GRM8: variants seen among roughly 807,000 people sequenced by gnomAD.
GRM8 encodes glutamate metabotropic receptor 8.
A neutral mutation model predicts 87.2 loss-of-function variants in GRM8; 47 were observed. The observed-to-expected ratio is 0.54, with a 90% CI of 0.43 to 0.69. The LOEUF (loss-of-function observed/expected upper bound fraction) is 0.69, where lower values mean the gene tolerates loss of function less well. Among genes scored for constraint, GRM8 ranks in the 30% least tolerant of loss-of-function variants. The pLI, the probability that GRM8 is intolerant of heterozygous loss-of-function variation, is 0.00. For synonymous variants in GRM8, 396 were observed against 404.5 expected, an observed-to-expected ratio of 0.98 and a Z score of 0.25; for missense variants, 1,019 against 1,139.2, an observed-to-expected ratio of 0.89 and a Z score of 1.52.
At chr7:127,173,288 A>G (rs529627621) in intron 2 of GRM8, among the ~76,000 whole-genome samples, 29 of 152,338 alleles carry the variant, frequency 1.9e-4, no homozygotes, top group Admixed American at 1.9e-3. Context: ...GCTATTGGTT[A>G]TTGGGAAGGT....
chr7:126,946,059 C>T (rs2131571947), intron 3 of GRM8, among the ~76,000 whole-genome samples: 1 of 152,332 alleles, frequency 6.6e-6, no homozygotes, highest in Non-Finnish European at 1.5e-5. Context: ...TTGCATTCTT[C>T]CTTCTGATTC....
intron 6 of GRM8, among the ~76,000 whole-genome samples, chr7:126,827,472 A>T (rs1794930677): frequency 6.6e-6 from 1 of 152,132 alleles, no homozygotes; most frequent in African/African-American, 2.4e-5. Context: ...TTCTCTTTGA[A>T]GCAATTGTGA....
chr7:126,516,497 T>C (rs1287540155), intron 9 of GRM8, among the ~76,000 whole-genome samples: 2 of 152,064 alleles, frequency 1.3e-5, no homozygotes, highest in African/African-American at 4.8e-5. Flanking sequence ...TTTAAATGAC[T>C]CAAAATAAAT....
At chr7:126,960,526 A>C (rs542566435) in intron 3 of GRM8, among the ~76,000 whole-genome samples, 102 of 152,338 alleles carry the variant, frequency 6.7e-4, no homozygotes, top group African/African-American at 2.3e-3. Flanking sequence ...GAATTGAATA[A>C]AACTTATTGT....
chr7:127,137,545 AAG>A (rs948439392), intron 2 of GRM8, among the ~76,000 whole-genome samples: 2 of 152,306 alleles, frequency 1.3e-5, no homozygotes, highest in Admixed American at 6.5e-5. Flanking sequence ...ACATAAAATG[AAG>A]AGTGTTCATT....
At chr7:126,930,932 C>T (rs1586500209) in intron 3 of GRM8, among the ~76,000 whole-genome samples, 2 of 152,226 alleles carry the variant, frequency 1.3e-5, no homozygotes, top group Non-Finnish European at 2.9e-5. Context: ...ACTCACATAC[C>T]CCCTCACTTC....
intron 6 of GRM8, among the ~76,000 whole-genome samples, chr7:126,891,947 C>T (rs551440735): frequency 1.3e-5 from 2 of 149,830 alleles, no homozygotes; most frequent in South Asian, 2.1e-4. Flanking sequence ...GTGCCAGATG[C>T]CACCCAAGGC....
At chr7:126,643,265 T>C (rs1802605378) in intron 7 of GRM8, among the ~76,000 whole-genome samples, 1 of 122,660 alleles carries the variant, frequency 8.2e-6, no homozygotes, top group Non-Finnish European at 1.6e-5. Context: ...TACTCCAGCA[T>C]GGGTGACAGA....
At chr7:127,196,890 G>C (rs1342941702) in intron 2 of GRM8, among the ~76,000 whole-genome samples, 3 of 152,126 alleles carry the variant, frequency 2.0e-5, no homozygotes, top group Non-Finnish European at 2.9e-5. Flanking sequence ...GTGATGATAA[G>C]AGGTGGTTTT....
At chr7:126,970,131 T>C (rs1414234811) in intron 3 of GRM8, among the ~76,000 whole-genome samples, 1 of 152,154 alleles carries the variant, frequency 6.6e-6, no homozygotes, top group Non-Finnish European at 1.5e-5. Context: ...AACATACTTC[T>C]TAAGGGCCCT....
intron 6 of GRM8, among the ~76,000 whole-genome samples, chr7:126,865,984 A>G (rs1432757218): frequency 6.6e-6 from 1 of 152,152 alleles, no homozygotes; most frequent in African/African-American, 2.4e-5. Context: ...ACTTTACTTA[A>G]CTGTTTGAGA....
intron 6 of GRM8, among the ~76,000 whole-genome samples, chr7:126,859,438 A>G (rs1275635998): frequency 6.6e-6 from 1 of 152,114 alleles, no homozygotes; most frequent in Non-Finnish European, 1.5e-5. Flanking sequence ...CTTAATGGAG[A>G]GGGAAAGAGA....
intron 8 of GRM8, among the ~76,000 whole-genome samples, chr7:126,565,223 G>A (rs1268238253): frequency 6.6e-6 from 1 of 151,876 alleles, no homozygotes; most frequent in African/African-American, 2.4e-5. Flanking sequence ...GAAAGTAAAA[G>A]GTATCCAAAT....
chr7:126,740,914 T>C (rs1043199470), intron 7 of GRM8, among the ~76,000 whole-genome samples: 2 of 152,026 alleles, frequency 1.3e-5, no homozygotes, highest in African/African-American at 2.4e-5. Flanking sequence ...ATATTAACAA[T>C]AGAATAACCC....
intron 6 of GRM8, among the ~76,000 whole-genome samples, chr7:126,849,294 C>A (rs1796989467): frequency 6.6e-6 from 1 of 151,784 alleles, no homozygotes; most frequent in South Asian, 2.1e-4. Context: ...ATAGGGAATA[C>A]TTTACCCTAG....
At chr7:126,791,934 G>A (rs922577370) in intron 6 of GRM8, among the ~76,000 whole-genome samples, 5 of 152,174 alleles carry the variant, frequency 3.3e-5, no homozygotes, top group East Asian at 1.9e-4. Context: ...CAGTGAGAAC[G>A]TGGGCTTACT....
chr7:127,115,592 T>C (rs1235214753), intron 2 of GRM8, among the ~76,000 whole-genome samples: 1 of 152,172 alleles, frequency 6.6e-6, no homozygotes, highest in Non-Finnish European at 1.5e-5. Flanking sequence ...AGAGAAGCAA[T>C]CTATGAACAT....
At chr7:126,900,360 T>C (rs543669930) in intron 6 of GRM8, among the ~76,000 whole-genome samples, 2 of 152,336 alleles carry the variant, frequency 1.3e-5, no homozygotes, top group South Asian at 2.1e-4. Flanking sequence ...GCATCCTCCA[T>C]GATTTAACGA....
chr7:126,675,013 T>G (rs1277329285), intron 7 of GRM8, among the ~76,000 whole-genome samples: 2 of 152,208 alleles, frequency 1.3e-5, no homozygotes, highest in African/African-American at 4.8e-5. Flanking sequence ...TTTTATGAAC[T>G]GAACGTTCGT....
Sources: gnomAD v4.1 joint callset for allele counts (sites outside exome capture counted in the v4.1 genomes callset) on GRCh38, gnomAD v4.1.1 for gene constraint, MANE v1.5 for transcripts, NCBI Gene and HGNC (gene_info 2026-07-23, HGNC 2026-07-21) for gene names.